The following ACOT7 variants were observed in gnomAD, a reference collection of about 807,000 sequenced individuals.
ACOT7 encodes the protein cytosolic acyl coenzyme A thioester hydrolase.
In ACOT7, 12 loss-of-function variants were observed where a neutral mutation model predicts 40.2. The ratio of observed to expected loss-of-function variants is 0.30; its 90% CI spans 0.19 to 0.48. The LOEUF (loss-of-function observed/expected upper bound fraction) is 0.48. Among genes scored for constraint, ACOT7 ranks in the 20% least tolerant of loss-of-function variants. The pLI, the probability that ACOT7 is intolerant of heterozygous loss-of-function variation, is 0.99. For missense variants in ACOT7, 395 were observed against 530.8 expected (o/e 0.74, Z 2.51); for synonymous variants, 228 against 219.5 (o/e 1.04, Z -0.34).
At chr1:6,310,782 G>A (rs1640308896) in intron 6 of ACOT7, among the ~76,000 whole-genome samples, 2 of 152,266 alleles carry the variant, frequency 1.3e-5, no homozygotes, top group South Asian at 4.1e-4. Flanking sequence ...CACCCAGGCT[G>A]GATGGAGTGC....
intron 2 of ACOT7, among the ~76,000 whole-genome samples, chr1:6,344,958 G>A (rs1019249953): frequency 5.3e-5 from 8 of 152,102 alleles, no homozygotes; most frequent in African/African-American, 9.7e-5. Flanking sequence ...GGCAGGAGCC[G>A]GGACCCAGGA....
In ACOT7 at chr1:6,289,855, C is replaced by T. The variant is rs1426856457; in HGVS notation, c.829+5009G>A. ...CCAGCTATTTTTCTAATAAAATATGCTGAAATGGGCACATCAGAAAACCCC... is the reference window on the plus strand; with the variant it reads ...CCAGCTATTTTTCTAATAAAATATGTTGAAATGGGCACATCAGAAAACCCC... On this transcript the variant is annotated intron_variant, in intron 7 of 8. Transcript: ENST00000361521. The surrounding 1 kb of genome is among the most constrained non-coding windows in gnomAD (Gnocchi z 4.6). 6.6e-6 allele frequency among the ~76,000 whole-genome samples: 1 copy of T among 152,150 alleles called. No homozygotes were observed. Among genetic ancestry groups the T allele is most frequent in the African/African-American group, 2.4e-5 (1 of 41,430 alleles).
intron 4 of ACOT7, 104 bp from the exon 5 acceptor site, chr1:6,327,517 AT>A: frequency 1.1e-6 from 1 of 918,976 alleles, no homozygotes; most frequent in Non-Finnish European, 1.7e-6. Context: ...AACTGGGACT[AT>A]TTTTTCTTCT....
Position 6,289,669 on chromosome 1 carries a change from C to T in ACOT7, c.829+5195G>A, listed in dbSNP as rs1037995011. On this transcript the variant is annotated intron_variant, in intron 7 of 8. Coordinates refer to ENST00000361521, the MANE Select transcript of ACOT7 (RefSeq NM_007274.4). This position sits in a 1 kb window ranked among gnomAD's most constrained non-coding sequence, Gnocchi z 4.6. ...AATTACAAGCGTGAGCCACTGTGAC[C>T]AGCCTGCTTTTTTTGTGTGTGTTTT... Among the ~76,000 whole-genome samples the T allele has an allele frequency of 2.0e-5, 3 of 151,934 alleles. No homozygotes were observed. The highest frequency in any genetic ancestry group is 4.2e-4 in the South Asian group (2 of 4,806).
chr1:6,378,173 C>T (rs905523570), intron 1 of ACOT7, among the ~76,000 whole-genome samples: 7 of 151,486 alleles, frequency 4.6e-5, no homozygotes, highest in Non-Finnish European at 8.8e-5. Flanking sequence ...CCAGAGCAGC[C>T]CTGGGTGCCC....
At chr1:6,346,420 T>C (rs1228276957) in intron 2 of ACOT7, among the ~76,000 whole-genome samples, 1 of 152,186 alleles carries the variant, frequency 6.6e-6, no homozygotes, top group Admixed American at 6.5e-5. Context: ...GGCAGGGCCC[T>C]GTGGATATCT....
At chr1:6,280,660 C>T (rs1018792642) in intron 8 of ACOT7, among the ~76,000 whole-genome samples, 5 of 152,212 alleles carry the variant, frequency 3.3e-5, no homozygotes, top group Non-Finnish European at 4.4e-5. Context: ...CCCACCCCTC[C>T]AGCTTCCCAG....
chr1:6,385,039 G>A (rs1053345329), intron 1 of ACOT7, among the ~76,000 whole-genome samples: 2 of 151,998 alleles, frequency 1.3e-5, no homozygotes, highest in Non-Finnish European at 2.9e-5. Context: ...TCTGTAAGCA[G>A]CTCAACACTG....
At chr1:6,367,878 G>A (rs1296567952) in intron 1 of ACOT7, among the ~76,000 whole-genome samples, 6 of 152,300 alleles carry the variant, frequency 3.9e-5, no homozygotes, top group African/African-American at 4.8e-5. Context: ...AATGAGGTAC[G>A]CAGAAAAATG....
chr1:6,314,575 T>C (rs1640429467), intron 6 of ACOT7, among the ~76,000 whole-genome samples: 1 of 151,278 alleles, frequency 6.6e-6, no homozygotes, highest in African/African-American at 2.4e-5. Context: ...ACCCCTTCAG[T>C]CTGTACAAGC....
intron 8 of ACOT7, among the ~76,000 whole-genome samples, chr1:6,271,557 C>A (rs1639035893): frequency 6.6e-6 from 1 of 152,222 alleles, no homozygotes; most frequent in Non-Finnish European, 1.5e-5. Flanking sequence ...AGCACCTGTG[C>A]CCCCAGGGTC....
intron 8 of ACOT7, among the ~76,000 whole-genome samples, chr1:6,279,194 G>A (rs988842670): frequency 6.6e-6 from 1 of 152,250 alleles, no homozygotes; most frequent in African/African-American, 2.4e-5. Flanking sequence ...GAAGGTCAAG[G>A]ACAGAGGAGG....
intron 2 of ACOT7, among the ~76,000 whole-genome samples, chr1:6,347,488 G>C (rs1305538871): frequency 6.6e-6 from 1 of 152,178 alleles, no homozygotes; most frequent in African/African-American, 2.4e-5. Context: ...ACAGCAGCTG[G>C]GCGCAGTGGC....
rs966224207 is a variant in ACOT7 at position 6,278,019 on chromosome 1, C to T, written c.1014+3083G>A. ...AGTAAGTTTAGAGCTCTGGCTGACC[C>T]GGGCAGCCAGGCGCCTGCTCCTGGA... On this transcript the variant is annotated intron_variant, in intron 8 of 8. Transcript: ENST00000361521. The surrounding 1 kb of genome is among the most constrained non-coding windows in gnomAD (Gnocchi z 4.1). 4.9e-5 allele frequency among the ~76,000 whole-genome samples: 7 copies of T among 143,416 alleles called. No homozygotes were observed. The highest frequency in any genetic ancestry group is 1.4e-4 in the Admixed American group (2 of 14,528). The allele number at this position is 143,416 out of a possible 152,430, so 94.1% of individuals were successfully genotyped here. A position where few individuals can be genotyped will look rare whatever the true frequency, so the allele number is the denominator to read the frequency against.
intron 6 of ACOT7, among the ~76,000 whole-genome samples, chr1:6,305,225 C>A (rs1179960986): frequency 2.0e-5 from 3 of 146,628 alleles, no homozygotes; most frequent in Admixed American, 6.7e-5. Flanking sequence ...CCTTCCCGGA[C>A]GGGGCGGCGG....
intron 3 of ACOT7, among the ~76,000 whole-genome samples, chr1:6,335,852 A>C (rs1281322469): frequency 1.3e-5 from 2 of 152,214 alleles, no homozygotes; most frequent in Non-Finnish European, 2.9e-5. Context: ...ACTTTGACTG[A>C]GAGTGAATCT....
chr1:6,379,925 G>C (rs2148479187), intron 1 of ACOT7, among the ~76,000 whole-genome samples: 1 of 151,832 alleles, frequency 6.6e-6, no homozygotes, highest in South Asian at 2.1e-4. Flanking sequence ...AATTAGCCAG[G>C]TGTGGTGGTG....
chr1:6,295,024 G>A, intron 6 of ACOT7, 44 bp from the exon 7 acceptor site: 1 of 1,477,260 alleles, frequency 6.8e-7, no homozygotes, highest in Non-Finnish European at 9.4e-7. Context: ...CGGAGGCAGA[G>A]GAGATTATTT....
At chr1:6,285,262 A>C (rs1639471113) in intron 7 of ACOT7, among the ~76,000 whole-genome samples, 1 of 152,202 alleles carries the variant, frequency 6.6e-6, no homozygotes, top group Non-Finnish European at 1.5e-5. Flanking sequence ...CATCCTCCTG[A>C]AGTGGATGCT....
Sources: allele counts gnomAD v4.1 joint callset (sites outside exome capture counted in the v4.1 genomes callset), GRCh38; gene constraint gnomAD v4.1.1; non-coding constraint Gnocchi (gnomAD v3.1); transcripts MANE v1.5; gene names NCBI Gene and HGNC (gene_info 2026-07-23, HGNC 2026-07-21).